ABL1: variants seen among roughly 807,000 people sequenced by gnomAD.
ABL1 encodes the protein tyrosine-protein kinase ABL1.
Under a neutral mutation model 94.7 loss-of-function variants are expected in ABL1, and 11 were observed. The ratio of observed to expected loss-of-function variants is 0.12; its 90% confidence interval spans 0.07 to 0.19. The LOEUF (loss-of-function observed/expected upper bound fraction) is 0.19, where lower values mean the gene tolerates loss of function less well. Ranked by LOEUF, ABL1 falls within the 10% of genes least tolerant of loss-of-function variation. The probability of loss-of-function intolerance (pLI) is 1.00; values close to 1 mark genes in which losing one functional copy is unlikely to be tolerated. For synonymous variants in ABL1, 656 were observed against 622.4 expected (o/e 1.05, Z -0.80); for missense variants, 1,082 against 1,489.4 (o/e 0.73, Z 4.50).
chr9:130,763,845 A>C (rs1252605748), intron 1 of ABL1, among the ~76,000 whole-genome samples: 1 of 152,108 alleles, frequency 6.6e-6, no homozygotes, highest in Non-Finnish European at 1.5e-5. Context: ...GCACTCACTC[A>C]GCAAATGTGC....
chr9:130,809,931 G>C (rs1337404863), intron 1 of ABL1, among the ~76,000 whole-genome samples: 1 of 152,158 alleles, frequency 6.6e-6, no homozygotes, highest in Non-Finnish European at 1.5e-5. Context: ...AAGGTTAAGA[G>C]CAAGACCAAA....
chr9:130,759,017 A>G (rs1832076892), intron 1 of ABL1, among the ~76,000 whole-genome samples: 2 of 152,162 alleles, frequency 1.3e-5, no homozygotes, highest in South Asian at 4.1e-4. Context: ...CGGTCCGAAC[A>G]CTGAGCTGGT....
intron 1 of ABL1, among the ~76,000 whole-genome samples, chr9:130,815,440 A>G (rs987086908): frequency 1.3e-5 from 2 of 152,158 alleles, no homozygotes; most frequent in African/African-American, 4.8e-5. Context: ...CTGCTTGCCC[A>G]GGGCCAATAA....
At chr9:130,748,000 T>G (rs34617356) in intron 1 of ABL1, among the ~76,000 whole-genome samples, 7 of 152,184 alleles carry the variant, frequency 4.6e-5, no homozygotes, top group African/African-American at 1.7e-4. Flanking sequence ...TGGCAGTCAT[T>G]TCACGTTCCT....
chr9:130,851,125 C>T lies in ABL1; in HGVS notation c.80-2939C>T, dbSNP rs150906922. On this transcript the variant is annotated intron_variant, in intron 1 of 10. Transcript: ENST00000318560. The stretch of plus-strand genomic sequence containing the variant: ...ATTTTTAGTAGAGACGGGGCTTCAC[C>T]GTGTTAGTCAGGATGGTCTCGATCT... Among the ~76,000 whole-genome samples, 579 of 151,986 alleles carry T rather than the reference C, an allele frequency of 3.8e-3. 4 individuals carry two copies. Among genetic ancestry groups the T allele is most frequent in the African/African-American group, 0.013 (557 of 41,384 alleles).
chr9:130,807,774 C>T (rs1392365818), intron 1 of ABL1, among the ~76,000 whole-genome samples: 2 of 145,446 alleles, frequency 1.4e-5, no homozygotes, highest in Non-Finnish European at 3.0e-5. Flanking sequence ...CTCGGCTCAC[C>T]GCAGTCACTG....
chr9:130,882,687 A>G (rs992208269), intron 10 of ABL1, among the ~76,000 whole-genome samples: 1 of 151,964 alleles, frequency 6.6e-6, no homozygotes, highest in African/African-American at 2.4e-5. Context: ...GGCGTGTGCC[A>G]CCACACCCAG....
intron 1 of ABL1, among the ~76,000 whole-genome samples, chr9:130,721,827 T>G (rs185345181): frequency 5.9e-4 from 88 of 149,094 alleles, no homozygotes; most frequent in African/African-American, 2.1e-3. Context: ...TTTTTGTTTT[T>G]TTTTTTTTTT....
chr9:130,857,540 TG>T (rs1171589401), intron 3 of ABL1, among the ~76,000 whole-genome samples: 2 of 152,218 alleles, frequency 1.3e-5, no homozygotes, highest in African/African-American at 4.8e-5. Flanking sequence ...TCCATTGGTC[TG>T]TCTATCCGTA....
At chr9:130,786,129 G>A (rs997623591) in intron 1 of ABL1, among the ~76,000 whole-genome samples, 1 of 152,160 alleles carries the variant, frequency 6.6e-6, no homozygotes, top group Non-Finnish European at 1.5e-5. Flanking sequence ...AGGAGCTGGG[G>A]GAACGCCCAG....
At chr9:130,878,671 C>T in intron 8 of ABL1, 104 bp downstream of exon 8, 2 of 1,391,332 alleles carry the variant, frequency 1.4e-6, no homozygotes, top group South Asian at 1.4e-5. Flanking sequence ...CATGAGCTCT[C>T]TCCATTCCAG....
In ABL1 at chr9:130,884,372, C is replaced by G. The variant is rs1339697927; in HGVS notation, c.2082C>G (p.Thr694=). The G allele has an allele frequency of 3.7e-6, 6 of 1,611,798 alleles. No individual in the cohort carries two copies. In the Admixed American group the frequency reaches 1.0e-4, roughly 27 times the overall value. ...PHLWKKSSTL[T]SSRLATGEEE... ...TGTGGAAGAAGTCCAGCACGCTGAC[C>G]AGCAGCCGCCTAGCCACCGGCGAGG... The change falls in exon 11 of 11, where the codon ACC becomes ACG. Residue 694 remains threonine (T), a synonymous_variant. Transcript: ENST00000318560. This position sits in a 1 kb window ranked among gnomAD's most constrained non-coding sequence, Gnocchi z 5.6.
At chr9:130,755,488 A>G (rs1832031094) in intron 1 of ABL1, among the ~76,000 whole-genome samples, 1 of 152,166 alleles carries the variant, frequency 6.6e-6, no homozygotes, top group African/African-American at 2.4e-5. Context: ...TGCTTTCTGC[A>G]TATGTGTTGC....
chr9:130,755,234 C>T (rs937022981), intron 1 of ABL1, among the ~76,000 whole-genome samples: 5 of 152,050 alleles, frequency 3.3e-5, no homozygotes, highest in Admixed American at 2.6e-4. Context: ...TTAAGTAGGA[C>T]ATGAGAAGAG....
rs3085157 is a variant in ABL1, at chr9:130,802,095, C to CTTTTTT, written c.137-51959_137-51954dup. On this transcript the variant is annotated intron_variant, in intron 1 of 10. Coordinates refer to the ABL1 transcript ENST00000372348. ...AGTCTGTTCATTTTTTTCCTTCAGT[C>CTTTTTT]TTTTTTTTTTTTTTTGAAATGGTCT... 1.7e-3 allele frequency among the ~76,000 whole-genome samples: 223 copies of CTTTTTT among 132,056 alleles called. 6 individuals are homozygous for CTTTTTT. Among genetic ancestry groups the CTTTTTT allele is most frequent in the Middle Eastern group, 7.8e-3 (2 of 258 alleles). The allele number at this position is 132,056 out of a possible 152,430, so 86.6% of individuals were successfully genotyped here.
intron 1 of ABL1, among the ~76,000 whole-genome samples, chr9:130,736,355 G>A (rs966148581): frequency 6.6e-6 from 1 of 152,164 alleles, no homozygotes; most frequent in Non-Finnish European, 1.5e-5. Context: ...TACAGAGGTT[G>A]CCTTCATCCC....
Position 130,885,319 on chromosome 9 carries a change from T to G in ABL1, c.3029T>G (p.Val1010Gly). ...TTCATCCCTCTCATATCAACCCGAG[T>G]GTCTCTTCGGAAAACCCGCCAGCCT... The part of the protein sequence containing the change: ...TAFIPLISTR[V>G]SLRKTRQPPE... The change falls in exon 11 of 11, where the codon GTG becomes GGG. Residue 1010 changes from valine (V) to glycine (G), a missense_variant. Physicochemically the swap from Val to Gly is moderately radical, Grantham distance 109. Coordinates refer to ENST00000318560, the MANE Select transcript of ABL1 (RefSeq NM_005157.6). 1 of 1,613,546 alleles carries G rather than the reference T, an allele frequency of 6.2e-7. No individual in the cohort carries two copies. The highest frequency in any genetic ancestry group is 8.5e-7 in the Non-Finnish European group (1 of 1,180,012).
At chr9:130,774,759 T>A (rs1179370061) in intron 1 of ABL1, among the ~76,000 whole-genome samples, 1 of 152,088 alleles carries the variant, frequency 6.6e-6, no homozygotes, top group Non-Finnish European at 1.5e-5. Flanking sequence ...GGCTGAAGTA[T>A]CTCTTGAACC....
chr9:130,722,840 T>C (rs1831533610), intron 1 of ABL1, among the ~76,000 whole-genome samples: 1 of 152,194 alleles, frequency 6.6e-6, no homozygotes. Flanking sequence ...CAAAAGAGTT[T>C]TACTTCATTT....
Sources: allele counts gnomAD v4.1 joint callset (sites outside exome capture counted in the v4.1 genomes callset), GRCh38; gene constraint gnomAD v4.1.1; non-coding constraint Gnocchi (gnomAD v3.1); transcripts MANE v1.5; gene names NCBI Gene and HGNC (gene_info 2026-07-23, HGNC 2026-07-21).